Variants in SRPX observed in about 807,000 individuals in gnomAD.
SRPX encodes the protein sushi repeat containing protein X-linked.
SRPX carries 24 observed loss-of-function variants against 38.1 expected under a neutral mutation model. The ratio of observed to expected loss-of-function variants is 0.63; its 90% CI spans 0.46 to 0.89. SRPX has a LOEUF of 0.89. SRPX is among the 40% of genes least tolerant of loss of function. The probability of loss-of-function intolerance (pLI) is 0.00; values close to 1 mark genes in which losing one functional copy is unlikely to be tolerated. For missense variants in SRPX, 416 were observed against 377.8 expected (o/e 1.10, Z -0.84); for synonymous variants, 184 against 153.8 (o/e 1.20, Z -1.45).
At chrX:38,204,924 T>C (rs764472085) in intron 1 of SRPX, among the ~76,000 whole-genome samples, 2 of 111,987 alleles carry the variant, frequency 1.8e-5, no homozygotes, top group Non-Finnish European at 3.8e-5. Context: ...TGAAAGGACA[T>C]CAGGACACTT....
intron 5 of SRPX, 132 bp from the exon 6 acceptor site, chrX:38,161,186 T>A (rs930508389): frequency 5.6e-6 from 4 of 717,345 alleles, no homozygotes; most frequent in Admixed American, 4.1e-5. Context: ...AAAACAAAAA[T>A]TTCTTGAAGA....
rs990080905 is a variant in SRPX at position 38,154,349 on chromosome X, T to C, written c.1211+113A>G. The C allele has an allele frequency of 3.5e-6, 3 of 863,109 alleles. No homozygotes were observed. The African/African-American group carries it at 6.2e-5, about 18-fold the overall frequency. 71.1% of individuals were successfully genotyped at this position (863,109 alleles called of 1,213,427 possible). On this transcript the variant is annotated intron_variant, in intron 9 of 9. Coordinates refer to ENST00000378533, the MANE Select transcript of SRPX (RefSeq NM_006307.5). The stretch of plus-strand genomic sequence containing the variant: ...TATAACACTCCCAGAATAAAAGCAA[T>C]TAAACATTGAAGGTTGCCTGAACTC...
Position 38,220,744 on chromosome X carries a change from G to A in SRPX, c.49C>T (p.Leu17=). 1 of 1,157,867 alleles carries A rather than the reference G, an allele frequency of 8.6e-7. No homozygotes were observed. Among genetic ancestry groups the A allele is most frequent in the Non-Finnish European group, 1.1e-6 (1 of 873,084 alleles). The change falls in exon 1 of 10, where the codon CTG becomes TTG. Residue 17 remains leucine (L), a synonymous_variant. Transcript: ENST00000378533. ...RPALLLLLPP[L]LLLLLLRVPP... ...ACGCGCAGCAGCAGCAGCAGCAGCA[G>A]AGGCGGCAGCAGCAGCAGCAGCGCG...
intron 3 of SRPX, among the ~76,000 whole-genome samples, chrX:38,173,346 C>T (rs1191694488): frequency 8.9e-6 from 1 of 112,312 alleles, no homozygotes; most frequent in African/African-American, 3.2e-5. Flanking sequence ...AATGCTGCTC[C>T]TCTAAGCTTC....
rs1359787813 is a variant in SRPX at position 38,149,678 on chromosome X, T to C, written c.*33A>G. 3 of 1,182,609 alleles carry C rather than the reference T, an allele frequency of 2.5e-6. No homozygotes were observed. Among genetic ancestry groups the C allele is most frequent in the African/African-American group, 3.5e-5 (2 of 56,705 alleles). On this transcript the variant is annotated 3_prime_UTR_variant, in exon 10 of 10. Coordinates refer to ENST00000378533, the MANE Select transcript of SRPX (RefSeq NM_006307.5). ...CGTGTGCATGTCACTATGTAGACAATGAAGAGGAATTGCCAAGAGAGGAAC... is the reference window on the plus strand; with the variant it reads ...CGTGTGCATGTCACTATGTAGACAACGAAGAGGAATTGCCAAGAGAGGAAC...
At chrX:38,187,571 C>T (rs777489349) in intron 1 of SRPX, among the ~76,000 whole-genome samples, 2 of 112,376 alleles carry the variant, frequency 1.8e-5, no homozygotes, top group East Asian at 5.6e-4. Flanking sequence ...CTGTGGTTCC[C>T]TATATGCCTT....
At chrX:38,180,297 A>G (rs1202202456) in intron 1 of SRPX, among the ~76,000 whole-genome samples, 1 of 111,541 alleles carries the variant, frequency 9.0e-6, no homozygotes, top group Non-Finnish European at 1.9e-5. Flanking sequence ...CTTCCAAATG[A>G]CAACAGTTTC....
intron 1 of SRPX, among the ~76,000 whole-genome samples, chrX:38,195,788 A>T (rs1196225999): frequency 9.0e-6 from 1 of 111,554 alleles, no homozygotes; most frequent in Non-Finnish European, 1.9e-5. Context: ...CTTAAAGTCC[A>T]CCTAAATATC....
intron 5 of SRPX, among the ~76,000 whole-genome samples, chrX:38,163,444 C>A (rs770889723): frequency 3.1e-3 from 350 of 112,081 alleles, no homozygotes; most frequent in African/African-American, 0.01. Context: ...CAGTGGGGAA[C>A]TCTAATATGC....
chrX:38,152,261 C>A (rs1316916738), intron 9 of SRPX, among the ~76,000 whole-genome samples: 1 of 112,128 alleles, frequency 8.9e-6, no homozygotes, highest in East Asian at 2.8e-4. Flanking sequence ...ACAGGCATGC[C>A]GGCCTGACAC....
intron 1 of SRPX, among the ~76,000 whole-genome samples, chrX:38,217,962 C>T (rs1369711526): frequency 8.9e-6 from 1 of 112,094 alleles, no homozygotes; most frequent in Non-Finnish European, 1.9e-5. Context: ...TTGCAGAGTA[C>T]TTTTGTCAGC....
intron 1 of SRPX, among the ~76,000 whole-genome samples, chrX:38,191,234 A>T (rs757436710): frequency 8.9e-6 from 1 of 112,016 alleles, no homozygotes; most frequent in East Asian, 2.8e-4. Flanking sequence ...TAAACAGTAG[A>T]CCATCAATTT....
At chrX:38,173,030 A>T (rs954445774) in intron 3 of SRPX, among the ~76,000 whole-genome samples, 1 of 112,427 alleles carries the variant, frequency 8.9e-6, no homozygotes, top group Non-Finnish European at 1.9e-5. Flanking sequence ...GGCATCGAGG[A>T]GATCTGGGTA....
chrX:38,183,571 T>C lies in SRPX; in HGVS notation c.98-5227A>G, dbSNP rs187116790. On this transcript the variant is annotated intron_variant, in intron 1 of 9. Transcript: ENST00000378533. The stretch of plus-strand genomic sequence containing the variant: ...TTACTAAAGCAGCAGAGGAGCTTTA[T>C]GTACATTGGGGAAAGATTTTCCCCA... Among the ~76,000 whole-genome samples, 19 of 111,640 alleles carry C rather than the reference T, an allele frequency of 1.7e-4. No homozygotes were observed. In the East Asian group the frequency reaches 3.3e-3, roughly 20 times the overall value.
chrX:38,178,888 T>TAG (rs1488357947), intron 1 of SRPX, among the ~76,000 whole-genome samples: 1 of 110,753 alleles, frequency 9.0e-6, no homozygotes, highest in African/African-American at 3.3e-5. Flanking sequence ...AAGGCTGAAA[T>TAG]AGACTATCTG....
In SRPX at chrX:38,173,701, C is replaced by A. The variant is rs762277570; in HGVS notation, c.349+459G>T. ...CTGAGCTCAGGCAACCCACCCGCCT[C>A]GGCCTCCCAAAGTGCTGGGATTACA... On this transcript the variant is annotated intron_variant, in intron 3 of 9. Coordinates refer to ENST00000378533, the MANE Select transcript of SRPX (RefSeq NM_006307.5). Among the ~76,000 whole-genome samples, 7 of 111,807 alleles carry A rather than the reference C, an allele frequency of 6.3e-5. No homozygotes were observed. The South Asian group carries it at 2.6e-3, about 42-fold the overall frequency.
At chrX:38,183,857 G>A (rs1938717519) in intron 1 of SRPX, among the ~76,000 whole-genome samples, 1 of 111,806 alleles carries the variant, frequency 8.9e-6, no homozygotes, top group South Asian at 3.8e-4. Flanking sequence ...GAGCCATGTA[G>A]GATTCTGTCT....
intron 1 of SRPX, among the ~76,000 whole-genome samples, chrX:38,192,150 G>A (rs1938917988): frequency 8.9e-6 from 1 of 112,005 alleles, no homozygotes; most frequent in Admixed American, 9.4e-5. Flanking sequence ...TTGTAACCCT[G>A]CCAAAGTATC....
At chrX:38,182,993 CA>C (rs1302943566) in intron 1 of SRPX, among the ~76,000 whole-genome samples, 5 of 111,161 alleles carry the variant, frequency 4.5e-5, no homozygotes, top group African/African-American at 1.6e-4. Context: ...TTGTTACATG[CA>C]ACTGTATGCA....
Sources: allele counts gnomAD v4.1 joint callset (sites outside exome capture counted in the v4.1 genomes callset), GRCh38; gene constraint gnomAD v4.1.1; transcripts MANE v1.5; gene names NCBI Gene and HGNC (gene_info 2026-07-23, HGNC 2026-07-21).